The following ANO4 variants were observed in gnomAD, a reference collection of about 807,000 sequenced individuals.
The protein encoded by ANO4 is anoctamin 4, also known as anoctamin-4.
Under a neutral mutation model 141.9 loss-of-function variants are expected in ANO4, and 69 were observed. The ratio of observed to expected loss-of-function variants is 0.49; its 90% CI spans 0.40 to 0.59. The LOEUF is 0.59. Ranked by LOEUF, ANO4 falls within the 20% of genes least tolerant of loss-of-function variation. The probability of loss-of-function intolerance (pLI) is 0.00; values close to 1 mark genes in which losing one functional copy is unlikely to be tolerated. For missense variants in ANO4, 894 were observed against 1,162.2 expected (o/e 0.77, Z 3.36); for synonymous variants, 350 against 394.3 (o/e 0.89, Z 1.33).
At position 100,726,319 on chromosome 12, in the gene ANO4, G is replaced by A. The variant is rs544018835; in HGVS notation, c.23-7455G>A. Among the ~76,000 whole-genome samples, 20 of 152,216 alleles carry A rather than the reference G, an allele frequency of 1.3e-4. No homozygotes were observed. The South Asian group carries it at 3.9e-3, about 30-fold the overall frequency. On this transcript the variant is annotated intron_variant, in intron 1 of 29. Coordinates refer to the ANO4 transcript ENST00000644049. ...TAAAAAGAAGCTCTTTGAATCACAC[G>A]ATGCATGCCATTTCTCTTCTCAGCC...
chr12:100,791,072 C>T (rs530973720), upstream of ANO4, among the ~76,000 whole-genome samples: 3 of 152,064 alleles, frequency 2.0e-5, 1 homozygote, highest in South Asian at 6.2e-4. Context: ...AGGACTATTC[C>T]TCTTGGCCTT....
intron 12 of ANO4, 37 bp from the exon 13 acceptor site, chr12:101,043,502 G>A: frequency 6.6e-7 from 1 of 1,505,736 alleles, no homozygotes; most frequent in Non-Finnish European, 9.2e-7. Context: ...AATGTTCCAT[G>A]TCATCAAAAA....
chr12:101,034,617 T>G (rs75591973), intron 9 of ANO4, among the ~76,000 whole-genome samples: 1 of 152,144 alleles, frequency 6.6e-6, no homozygotes, highest in South Asian at 2.1e-4. Flanking sequence ...AATACATAAA[T>G]AGAATGATAA....
intron 2 of ANO4, among the ~76,000 whole-genome samples, chr12:100,917,479 CAATA>C (rs765190944): frequency 5.9e-5 from 9 of 152,124 alleles, no homozygotes; most frequent in Admixed American, 6.5e-5. Flanking sequence ...ATATGAATAA[CAATA>C]AATAAATAAA....
Position 101,116,696 on chromosome 12 carries a change from T to G in ANO4, c.2468T>G (p.Val823Gly). ...TCTTATAGGTGCATGGTTGGCTATG[T>G]GAATGCCAGCTTGTCTGTATTTCGA... Reference protein sequence around the residue: ...EAGQKCMVGYVNASLSVFRIS... With the variant: ...EAGQKCMVGYGNASLSVFRIS... Residue 823 changes from valine to glycine, a missense_variant, in exon 25 of 28, where the codon GTG becomes GGG. This residue lies in a region of ANO4 where 637 missense variants were observed against 909.2 expected (regional missense o/e 0.70). Transcript: ENST00000392977. 6.2e-7 allele frequency: 1 copy of G among 1,614,162 alleles called. No homozygotes were observed. Among genetic ancestry groups the G allele is most frequent in the East Asian group, 2.2e-5 (1 of 44,882 alleles).
chr12:100,813,800 C>T (rs1220256368), intron 1 of ANO4, among the ~76,000 whole-genome samples: 5 of 152,080 alleles, frequency 3.3e-5, no homozygotes, highest in Non-Finnish European at 7.4e-5. Flanking sequence ...TTTATGTATG[C>T]CATAAATTAT....
chr12:100,765,721 C>A (rs2033051169), intron 3 of ANO4, among the ~76,000 whole-genome samples: 1 of 149,356 alleles, frequency 6.7e-6, no homozygotes, highest in East Asian at 1.9e-4. Flanking sequence ...TTAGATTGAT[C>A]TTTTCTATTT....
At chr12:100,884,360 A>G (rs756344199) in intron 1 of ANO4, among the ~76,000 whole-genome samples, 12 of 152,212 alleles carry the variant, frequency 7.9e-5, no homozygotes, top group Admixed American at 2.6e-4. Context: ...GGGCAGCTTC[A>G]CAGTCTCCCT....
chr12:100,959,073 A>T (rs1429296651), intron 5 of ANO4, among the ~76,000 whole-genome samples: 1 of 151,468 alleles, frequency 6.6e-6, no homozygotes, highest in East Asian at 2.0e-4. Flanking sequence ...CAACCTTCTC[A>T]CCTGTTTTCT....
chr12:100,922,366 GA>G (rs2041670379), intron 3 of ANO4, 36 bp downstream of exon 3: 1 of 1,444,268 alleles, frequency 6.9e-7, no homozygotes, highest in East Asian at 2.5e-5. Flanking sequence ...CGCCGTGAGA[GA>G]AGAAGCTATT....
intron 9 of ANO4, among the ~76,000 whole-genome samples, chr12:101,034,053 C>A (rs1165323296): frequency 6.6e-6 from 1 of 152,096 alleles, no homozygotes; most frequent in Non-Finnish European, 1.5e-5. Context: ...GTGTAAATTA[C>A]CCCAGCCATT....
At chr12:100,956,748 G>A (rs576363188) in intron 5 of ANO4, among the ~76,000 whole-genome samples, 1 of 152,130 alleles carries the variant, frequency 6.6e-6, no homozygotes, top group Non-Finnish European at 1.5e-5. Flanking sequence ...ACAGGCGTTC[G>A]CTGTTCGCTG....
rs1268555277 is a variant in ANO4, at chr12:101,042,358, G to A, written c.1044G>A (p.Gly348=). 8 of 1,613,992 alleles carry A rather than the reference G, an allele frequency of 5.0e-6. No individual in the cohort carries two copies. Among genetic ancestry groups the A allele is most frequent in the Non-Finnish European group, 6.8e-6 (8 of 1,180,004 alleles). ...GGCGGTACTTTGGAGAGAAGATTGG[G>A]TTATATTTTGCCTGGTTGGGCTGGT... ...LVRRYFGEKI[G]LYFAWLGWYT... The change falls in exon 12 of 28, where the codon GGG becomes GGA. Residue 348 remains glycine, a synonymous_variant. Transcript: ENST00000392977.
At chr12:100,834,758 T>C (rs2135785881) in intron 1 of ANO4, among the ~76,000 whole-genome samples, 1 of 152,106 alleles carries the variant, frequency 6.6e-6, no homozygotes, top group East Asian at 1.9e-4. Context: ...TGACTTGAAG[T>C]TTTAAAAAGT....
At chr12:101,060,130 G>A (rs775457437) in intron 14 of ANO4, among the ~76,000 whole-genome samples, 2 of 152,098 alleles carry the variant, frequency 1.3e-5, no homozygotes, top group Non-Finnish European at 2.9e-5. Flanking sequence ...CCTTAATTTC[G>A]TTATTTACCC....
chr12:101,014,620 C>T (rs1189716817), intron 8 of ANO4, among the ~76,000 whole-genome samples: 1 of 152,132 alleles, frequency 6.6e-6, no homozygotes, highest in Non-Finnish European at 1.5e-5. Context: ...TTCTGAATTC[C>T]TCCTTGCCAC....
In ANO4 at chr12:100,912,607, G is replaced by C. The variant is rs866157449; in HGVS notation, c.56-9619G>C. Among the ~76,000 whole-genome samples, 3 of 152,106 alleles carry C rather than the reference G, an allele frequency of 2.0e-5. 1 individual carries two copies. Among genetic ancestry groups the C allele is most frequent in the Middle Eastern group, 6.8e-3 (2 of 294 alleles). ...TGTCAACTTTTTATCTTGAAGATGA[G>C]CATTAGTTAAGAGTGAAATTTTGGG... On this transcript the variant is annotated intron_variant, in intron 2 of 27. Coordinates refer to ENST00000392977, the MANE Select transcript of ANO4 (RefSeq NM_001286615.2).
chr12:100,956,647 T>C (rs192405295), intron 5 of ANO4, among the ~76,000 whole-genome samples: 2 of 152,360 alleles, frequency 1.3e-5, no homozygotes, highest in Non-Finnish European at 2.9e-5. Context: ...CTTGATTCAG[T>C]TTCTCAGACT....
chr12:100,756,803 A>G (rs2032633622), intron 3 of ANO4, among the ~76,000 whole-genome samples: 1 of 151,980 alleles, frequency 6.6e-6, no homozygotes, highest in Admixed American at 6.6e-5. Context: ...TGTCACTTAA[A>G]TGTCAGTGCG....
Sources: gnomAD v4.1 joint callset for allele counts (sites outside exome capture counted in the v4.1 genomes callset) on GRCh38, gnomAD v4.1.1 for gene constraint, gnomAD v4.1.1 regional missense constraint, MANE v1.5 for transcripts, NCBI Gene and HGNC (gene_info 2026-07-23, HGNC 2026-07-21) for gene names.